SNED1: variants seen among roughly 807,000 people sequenced by gnomAD.
SNED1 encodes sushi, nidogen and EGF-like domain-containing protein 1.
Under a neutral mutation model 166.7 loss-of-function variants are expected in SNED1, and 81 were observed. The ratio of observed to expected loss-of-function variants is 0.49; its 90% CI spans 0.41 to 0.58. The LOEUF is 0.58. Among genes scored for constraint, SNED1 ranks in the 20% least tolerant of loss-of-function variants. The pLI is 0.00. For synonymous variants in SNED1, 762 were observed against 822.0 expected (o/e 0.93, Z 1.25); for missense variants, 1,604 against 2,000.2 (o/e 0.80, Z 3.78).
chr2:241,088,463 C>A, intron 31 of SNED1, 61 bp downstream of exon 31: 2 of 1,387,418 alleles, frequency 1.4e-6, no homozygotes, highest in Non-Finnish European at 2.0e-6. Flanking sequence ...GGGGCGACTG[C>A]CCAGCCCCGG....
Position 241,094,776 on chromosome 2 carries a change from C to T in SNED1, c.*3140C>T, listed in dbSNP as rs946131495. On this transcript the variant is annotated 3_prime_UTR_variant, in exon 32 of 32. Coordinates refer to ENST00000310397, the MANE Select transcript of SNED1 (RefSeq NM_001080437.3). This position sits in a 1 kb window ranked among gnomAD's most constrained non-coding sequence, Gnocchi z 4.3. Reference sequence around the variant, plus strand: ...CTACCCACTAGAATCCTACAATCTACCAGATCCTAGGATCTAGTTGATCCT... The same window carrying T: ...CTACCCACTAGAATCCTACAATCTATCAGATCCTAGGATCTAGTTGATCCT... 11 of 168,126 alleles carry T rather than the reference C, an allele frequency of 6.5e-5. No homozygotes were observed. The highest frequency in any genetic ancestry group is 1.4e-4 in the Non-Finnish European group (11 of 77,320). 10.4% of individuals were successfully genotyped at this position (168,126 alleles called of 1,614,324 possible). A position where few individuals can be genotyped will look rare whatever the true frequency, so the allele number is the denominator to read the frequency against.
chr2:241,090,118 CTT>C (rs1193000082), intron 31 of SNED1: 2 of 1,489,572 alleles, frequency 1.3e-6, no homozygotes, highest in Non-Finnish European at 1.8e-6. Context: ...CTTTTTAACT[CTT>C]TTTAATAACA....
chr2:241,021,758 C>T (rs910864762), intron 1 of SNED1, among the ~76,000 whole-genome samples: 1 of 152,118 alleles, frequency 6.6e-6, no homozygotes, highest in African/African-American at 2.4e-5. Context: ...TTTGTGTGGA[C>T]ATGTTTCCAT....
intron 4 of SNED1, 82 bp downstream of exon 4, chr2:241,034,812 G>A (rs919838106): frequency 5.7e-6 from 8 of 1,409,384 alleles, no homozygotes; most frequent in Non-Finnish European, 7.6e-6. Flanking sequence ...AGACGAAGGG[G>A]GCTGGATGCT....
intron 17 of SNED1, chr2:241,063,309 G>C: frequency 1.9e-6 from 1 of 520,230 alleles, no homozygotes; most frequent in Non-Finnish European, 3.5e-6. Context: ...GGCCCAGGGA[G>C]CCGTGCCCAG....
chr2:241,044,425 A>G (rs1282704443), intron 8 of SNED1, among the ~76,000 whole-genome samples: 1 of 152,234 alleles, frequency 6.6e-6, no homozygotes, highest in African/African-American at 2.4e-5. Context: ...TACAGCTACA[A>G]TCCTGGACAG....
chr2:241,045,613 T>C (rs2061625329), intron 8 of SNED1, among the ~76,000 whole-genome samples: 1 of 151,236 alleles, frequency 6.6e-6, no homozygotes, highest in South Asian at 2.1e-4. Flanking sequence ...AAAAAAAACC[T>C]CAACTTCAAC....
chr2:241,090,583 C>T, intron 31 of SNED1: 1 of 998,874 alleles, frequency 1.0e-6, no homozygotes, highest in East Asian at 2.8e-5. Context: ...TTTGTATACA[C>T]CAGCATCACC....
chr2:241,028,135 G>A (rs553091384), intron 1 of SNED1, among the ~76,000 whole-genome samples: 2 of 152,108 alleles, frequency 1.3e-5, no homozygotes, highest in South Asian at 2.1e-4. Context: ...TTGAAACAAG[G>A]GTTTTTTGTT....
chr2:241,091,003 C>G lies in SNED1; in HGVS notation c.*2-635C>G, dbSNP rs1430697256. ...TAACTGTACTAGGATTAAGAATCCA[C>G]AAACATAATTTGGGTTTGAGATATT... On this transcript the variant is annotated intron_variant, in intron 31 of 31. Transcript: ENST00000310397. This position sits in a 1 kb window ranked among gnomAD's most constrained non-coding sequence, Gnocchi z 4.1. Among the ~76,000 whole-genome samples, 6 of 152,294 alleles carry G rather than the reference C, an allele frequency of 3.9e-5. No homozygotes were observed. Among genetic ancestry groups the G allele is most frequent in the Middle Eastern group, 3.4e-3 (1 of 294 alleles).
In SNED1 at chr2:241,052,667, TGCCAGGCAG is replaced by T. The variant is rs1232344685; in HGVS notation, c.2083+201_2083+209del. Reference sequence around the variant, plus strand: ...CCAAGCAGGGTACATGGGACACCGGTGCCAGGCAGGTGAGAGGGTCGGCGGGGGGGGGGG... The same window carrying T: ...CCAAGCAGGGTACATGGGACACCGGTGTGAGAGGGTCGGCGGGGGGGGGGG... On this transcript the variant is annotated intron_variant, in intron 15 of 31. Transcript: ENST00000310397. 4.0e-3 allele frequency among the ~76,000 whole-genome samples: 236 copies of T among 58,886 alleles called. 33 individuals are homozygous for T. The East Asian group carries it at 0.054, about 13-fold the overall frequency. The allele number at this position is 58,886 out of a possible 152,430, so 38.6% of individuals were successfully genotyped here.
intron 29 of SNED1, 199 bp from the exon 30 acceptor site, chr2:241,087,193 A>G (rs4035): frequency 0.24 from 139,429 of 571,648 alleles, 25,566 homozygotes; most frequent in African/African-American, 0.67. Context: ...TTACTGTACC[A>G]CAATAAATTT....
rs1413486101 is a variant in SNED1 at position 241,094,144 on chromosome 2, G to A, written c.*2508G>A. The A allele has an allele frequency of 5.5e-6, 2 of 365,266 alleles. No homozygotes were observed. Among genetic ancestry groups the A allele is most frequent in the African/African-American group, 4.3e-5 (2 of 46,522 alleles). 22.6% of individuals were successfully genotyped at this position (365,266 alleles called of 1,614,324 possible). On this transcript the variant is annotated 3_prime_UTR_variant, in exon 32 of 32. Transcript: ENST00000310397. This position sits in a 1 kb window ranked among gnomAD's most constrained non-coding sequence, Gnocchi z 4.3. ...ACAGTTTTGCCTATGGCCAAGCAAG[G>A]CAATAAAGACAAACTCTCCCTTTTC...
intron 29 of SNED1, among the ~76,000 whole-genome samples, chr2:241,084,585 T>C (rs1042424161): frequency 1.3e-5 from 2 of 152,334 alleles, no homozygotes; most frequent in South Asian, 4.1e-4. Flanking sequence ...TTTGAATTAT[T>C]ATCAGACTTT....
At chr2:241,020,326 G>A (rs115334855) in intron 1 of SNED1, among the ~76,000 whole-genome samples, 17 of 152,366 alleles carry the variant, frequency 1.1e-4, no homozygotes, top group Non-Finnish European at 7.3e-5. Context: ...GTCTTCTGCT[G>A]TCTCCCAGAG....
intron 1 of SNED1, among the ~76,000 whole-genome samples, chr2:241,028,260 T>G (rs901785120): frequency 2.6e-5 from 4 of 152,200 alleles, no homozygotes; most frequent in African/African-American, 9.7e-5. Context: ...CTGTTAATAG[T>G]GTATTTTGAT....
intron 27 of SNED1, among the ~76,000 whole-genome samples, chr2:241,077,462 C>T (rs2063083898): frequency 6.6e-6 from 1 of 152,126 alleles, no homozygotes; most frequent in African/African-American, 2.4e-5. Flanking sequence ...TCAAAGGATG[C>T]CATCAAGGAA....
intron 27 of SNED1, among the ~76,000 whole-genome samples, chr2:241,078,342 C>T (rs2063142452): frequency 6.8e-6 from 1 of 147,940 alleles, no homozygotes; most frequent in Admixed American, 6.7e-5. Flanking sequence ...GAGATCGCGC[C>T]ACTGCACTGC....
chr2:241,006,492 T>C (rs1188648739), intron 1 of SNED1, among the ~76,000 whole-genome samples: 2 of 152,188 alleles, frequency 1.3e-5, no homozygotes, highest in Non-Finnish European at 2.9e-5. Context: ...GTTGAGCCAG[T>C]GAGTAAATAG....
Sources: allele counts gnomAD v4.1 joint callset (sites outside exome capture counted in the v4.1 genomes callset), GRCh38; gene constraint gnomAD v4.1.1; non-coding constraint Gnocchi (gnomAD v3.1); transcripts MANE v1.5; gene names NCBI Gene and HGNC (gene_info 2026-07-23, HGNC 2026-07-21).